CAPRIN2: variants seen among roughly 807,000 people sequenced by gnomAD.
CAPRIN2 encodes caprin family member 2.
In CAPRIN2, 66 loss-of-function variants were observed where a neutral mutation model predicts 130.4. That is an observed-to-expected ratio of 0.51 (90% confidence interval 0.42 to 0.62). The LOEUF (loss-of-function observed/expected upper bound fraction) is 0.62, where lower values mean the gene tolerates loss of function less well. CAPRIN2 is among the 20% of genes least tolerant of loss of function. The pLI, the probability that CAPRIN2 is intolerant of heterozygous loss-of-function variation, is 0.00. For missense variants in CAPRIN2, 1,185 were observed against 1,246.6 expected (o/e 0.95, Z 0.74); for synonymous variants, 471 against 444.1 (o/e 1.06, Z -0.76).
chr12:30,728,612 A>G, intron 8 of CAPRIN2, 36 bp downstream of exon 9: 1 of 1,519,648 alleles, frequency 6.6e-7, no homozygotes, highest in Non-Finnish European at 8.9e-7. Flanking sequence ...ATTTATGCCT[A>G]CACTTACAGA....
At chr12:30,728,603 T>TA (rs2061639315) in intron 8 of CAPRIN2, 45 bp downstream of exon 9, 4 of 1,474,998 alleles carry the variant, frequency 2.7e-6, no homozygotes, top group Non-Finnish European at 3.7e-6. Context: ...CGACACCTTA[T>TA]TTATGCCTAC....
chr12:30,732,333 C>G (rs139207709), intron 5 of CAPRIN2, among the ~76,000 whole-genome samples: 1 of 151,916 alleles, frequency 6.6e-6, no homozygotes, highest in Non-Finnish European at 1.5e-5. Context: ...CACAGGAGTA[C>G]TATGACATAG....
intron 3 of CAPRIN2, among the ~76,000 whole-genome samples, chr12:30,739,641 G>C (rs1728371866): frequency 6.6e-6 from 1 of 151,970 alleles, no homozygotes; most frequent in Non-Finnish European, 1.5e-5. Flanking sequence ...CGTGAACCCG[G>C]GAGGCGGAGC....
chr12:30,733,698 T>C (rs776748427), exon 5 of CAPRIN2: 4 of 1,613,396 alleles, frequency 2.5e-6, no homozygotes, highest in Admixed American at 1.7e-5. Context: ...GACTGCTCCA[T>C]CTGGTCTTCA....
intron 11 of CAPRIN2, among the ~76,000 whole-genome samples, chr12:30,721,648 A>C (rs2059440640): frequency 6.6e-6 from 1 of 152,244 alleles, no homozygotes; most frequent in African/African-American, 2.4e-5. Context: ...CAAGATCTAA[A>C]GTGTCAGTGA....
intron 3 of CAPRIN2, among the ~76,000 whole-genome samples, chr12:30,738,518 T>C (rs1565663645): frequency 6.6e-6 from 1 of 152,102 alleles, no homozygotes; most frequent in African/African-American, 2.4e-5. Flanking sequence ...GTAACAAATA[T>C]GCCAAAAGTA....
At chr12:30,728,840 G>T in exon 8 of CAPRIN2, 3 of 1,614,088 alleles carry the variant, frequency 1.9e-6, no homozygotes, top group Admixed American at 1.7e-5. Context: ...ACATGGGAGT[G>T]GTCCATGACT....
At chr12:30,729,906 G>C (rs1302278685) in intron 7 of CAPRIN2, among the ~76,000 whole-genome samples, 1 of 152,108 alleles carries the variant, frequency 6.6e-6, no homozygotes, top group Non-Finnish European at 1.5e-5. Flanking sequence ...AAAGTCCTGC[G>C]CATCTTAAAG....
At chr12:30,713,411 C>A (rs1565540363) in intron 15 of CAPRIN2, among the ~76,000 whole-genome samples, 1 of 152,166 alleles carries the variant, frequency 6.6e-6, no homozygotes, top group Non-Finnish European at 1.5e-5. Flanking sequence ...AAGTTAAAAT[C>A]ATGGGCTCTG....
chr12:30,754,029 C>A (rs1019468565), exon 1 of CAPRIN2: 3 of 385,994 alleles, frequency 7.8e-6, no homozygotes, highest in Non-Finnish European at 1.4e-5. Context: ...TCCCTCACCA[C>A]CAGCCCTAAC....
chr12:30,740,709 C>A (rs762985301), intron 3 of CAPRIN2, among the ~76,000 whole-genome samples: 1 of 152,066 alleles, frequency 6.6e-6, no homozygotes, highest in Non-Finnish European at 1.5e-5. Flanking sequence ...AATAAATATA[C>A]CTTGTCAAAA....
chr12:30,726,042 G>C lies in CAPRIN2; in HGVS notation c.1829C>G (p.Pro610Arg), dbSNP rs73079976. The change falls in exon 9 of 17, where the codon CCG (proline) becomes CGG (arginine). Residue 610 changes from proline (P) to arginine (R), a missense_variant. By Grantham distance (103) the Pro-to-Arg change is moderately radical. Around this residue, in one of 2 missense-constraint regions of CAPRIN2, gnomAD observed 1,104 missense variants for 1,104.3 expected, o/e 1.00. Transcript: ENST00000298892. ...TTCTTTCCTCAATACTGGATCCTTCGGAAGGGTAGAGGAAGAACCTACAGG... is the reference window on the plus strand; with the variant it reads ...TTCTTTCCTCAATACTGGATCCTTCCGAAGGGTAGAGGAAGAACCTACAGG... 11,756 of 1,596,344 alleles carry C rather than the reference G, an allele frequency of 7.4e-3. 95 individuals carry two copies. Among genetic ancestry groups the C allele is most frequent in the Middle Eastern group, 0.025 (153 of 6,008 alleles).
Position 30,724,360 on chromosome 12 carries a change from G to GGT in CAPRIN2, c.1987+9_1987+10insAC, listed in dbSNP as rs1344459964. 6.4e-7 allele frequency: 1 copy of GGT among 1,571,112 alleles called. No homozygotes were observed. Among genetic ancestry groups the GGT allele is most frequent in the African/African-American group, 1.3e-5 (1 of 74,132 alleles). ...GACGTTTGCTCCAAGTCTTTAGAATGATTACATACCTACGGGGCTACCTGG... is the reference window on the plus strand; with the variant it reads ...GACGTTTGCTCCAAGTCTTTAGAATGGTATTACATACCTACGGGGCTACCTGG... On this transcript the variant is annotated intron_variant, in intron 10 of 16. Transcript: ENST00000298892.
At chr12:30,715,141 G>A (rs764682600) in exon 14 of CAPRIN2, 1 of 1,613,496 alleles carries the variant, frequency 6.2e-7, no homozygotes, top group East Asian at 2.2e-5. Flanking sequence ...ATGATAATTT[G>A]CTGCTTAAGA....
chr12:30,732,666 C>T (rs568929089), intron 5 of CAPRIN2, among the ~76,000 whole-genome samples: 1 of 152,150 alleles, frequency 6.6e-6, no homozygotes, highest in South Asian at 2.1e-4. Context: ...TGTCTGGCTT[C>T]TTTCACTCAG....
intron 11 of CAPRIN2, among the ~76,000 whole-genome samples, chr12:30,721,641 G>A (rs1202825931): frequency 2.0e-5 from 3 of 152,182 alleles, no homozygotes; most frequent in Non-Finnish European, 4.4e-5. Flanking sequence ...GCAATAGCAA[G>A]ATCTAAAGTG....
exon 1 of CAPRIN2, chr12:30,753,803 T>C (rs2140117279): frequency 6.4e-7 from 1 of 1,552,912 alleles, no homozygotes; most frequent in East Asian, 2.2e-5. Context: ...CCAATAAGGA[T>C]AGCCTTTACA....
intron 11 of CAPRIN2, 53 bp downstream of exon 12, chr12:30,723,206 C>CA: frequency 8.1e-7 from 1 of 1,237,720 alleles, no homozygotes; most frequent in Non-Finnish European, 1.2e-6. Context: ...CTTTCCAAAG[C>CA]AAGAGCTTCT....
At chr12:30,734,886 A>ACACACACT (rs1555165895) in intron 4 of CAPRIN2, 82 bp downstream of exon 5, 2 of 565,214 alleles carry the variant, frequency 3.5e-6, no homozygotes, top group Admixed American at 4.5e-5. Context: ...ACACACACAC[A>ACACACACT]CTCTCTCTCT....
Sources: gnomAD v4.1 joint callset for allele counts (sites outside exome capture counted in the v4.1 genomes callset) on GRCh38, gnomAD v4.1.1 for gene constraint, gnomAD v4.1.1 regional missense constraint, MANE v1.5 for transcripts, NCBI Gene and HGNC (gene_info 2026-07-23, HGNC 2026-07-21) for gene names.